Variants in ERCC6 observed in about 807,000 individuals in gnomAD.
The protein encoded by ERCC6 is DNA excision repair protein ERCC-6.
A neutral mutation model predicts 158.7 loss-of-function variants in ERCC6; 116 were observed. The ratio of observed to expected loss-of-function variants is 0.73; its 90% CI spans 0.63 to 0.85. The LOEUF (loss-of-function observed/expected upper bound fraction) is 0.85, where lower values mean the gene tolerates loss of function less well. ERCC6 is among the 40% of genes least tolerant of loss of function. The pLI is 0.00. For synonymous variants in ERCC6, 678 were observed against 659.3 expected, an observed-to-expected ratio of 1.03 and a Z score of -0.43; for missense variants, 1,698 against 1,799.4, an observed-to-expected ratio of 0.94 and a Z score of 1.02.
chr10:49,497,470 C>G (rs975090850), intron 7 of ERCC6, among the ~76,000 whole-genome samples: 4 of 152,224 alleles, frequency 2.6e-5, no homozygotes, highest in Admixed American at 6.5e-5. Context: ...TGATGACTCA[C>G]ATTTTGTTAT....
chr10:49,477,341 G>A (rs1417406791), intron 11 of ERCC6, among the ~76,000 whole-genome samples: 1 of 152,040 alleles, frequency 6.6e-6, no homozygotes, highest in Non-Finnish European at 1.5e-5. Flanking sequence ...TTCCACCTCT[G>A]CACTGTATCT....
At position 49,472,961 on chromosome 10, in the gene ERCC6, GC is replaced by G. The variant is rs1238035020; in HGVS notation, c.2776del (p.Ala926GlnfsTer26). 1 of 1,614,092 alleles carries G rather than the reference GC, an allele frequency of 6.2e-7. No homozygotes were observed. ...TGGGTCATAGATGACAACTCTGTTT[GC>G]CCCCGTCAGGTTGACACCTAAGCCG... ...VGGLGVNLTGANRVVIYDPDW... is the reference protein window; with the variant it reads ...VGGLGVNLTGXNRVVIYDPDW... On this transcript the variant is annotated frameshift_variant, in exon 15 of 21. Coordinates refer to ENST00000355832, the MANE Select transcript of ERCC6 (RefSeq NM_000124.4). LOFTEE classifies it high-confidence loss of function.
At chr10:49,482,984 G>A (rs762375322) in intron 9 of ERCC6, 121 bp from the exon 10 acceptor site, 18 of 1,057,506 alleles carry the variant, frequency 1.7e-5, no homozygotes, top group Non-Finnish European at 2.6e-5. Context: ...CATCATTTTG[G>A]TACTCTCCAA....
chr10:49,523,251 G>A (rs1361392966), intron 5 of ERCC6, among the ~76,000 whole-genome samples: 2 of 152,136 alleles, frequency 1.3e-5, no homozygotes, highest in Admixed American at 6.5e-5. Flanking sequence ...TGAAATGCGC[G>A]GCAGTAGCAC....
chr10:49,467,061 G>GT (rs1850690710), intron 18 of ERCC6, among the ~76,000 whole-genome samples: 1 of 152,170 alleles, frequency 6.6e-6, no homozygotes. Context: ...GATTACAGGC[G>GT]TGAGCCAAGC....
chr10:49,444,662 G>C, the ERCC6 span, among the ~76,000 whole-genome samples: 1 of 152,158 alleles, frequency 6.6e-6, no homozygotes, highest in Non-Finnish European at 1.5e-5. Flanking sequence ...GGATTGAGCT[G>C]AAACATTCTT....
the ERCC6 span, among the ~76,000 whole-genome samples, chr10:49,444,893 G>T: frequency 6.6e-6 from 1 of 151,984 alleles, no homozygotes. Flanking sequence ...GATCTGAGAG[G>T]TTAAAAATCT....
chr10:49,490,554 CA>C (rs1332102493), intron 8 of ERCC6, among the ~76,000 whole-genome samples: 1 of 152,076 alleles, frequency 6.6e-6, no homozygotes, highest in African/African-American at 2.4e-5. Context: ...AGGGTTTCAC[CA>C]CATTGGCCAG....
chr10:49,439,697 T>C, the ERCC6 span, among the ~76,000 whole-genome samples: 1 of 152,222 alleles, frequency 6.6e-6, no homozygotes, highest in African/African-American at 2.4e-5. Flanking sequence ...TCCAAACTTT[T>C]ATGCACTGCT....
intron 7 of ERCC6, among the ~76,000 whole-genome samples, chr10:49,497,325 C>T (rs569577728): frequency 6.6e-6 from 1 of 152,372 alleles, no homozygotes; most frequent in East Asian, 1.9e-4. Context: ...GATTAGGAAA[C>T]AACCAATCAA....
rs4253026 is a variant in ERCC6, at chr10:49,531,070, A to G, written c.423-230T>C. On this transcript the variant is annotated intron_variant, in intron 2 of 20. Transcript: ENST00000355832. ...TTATCTAGCTGATTTAGATCAGCTCATTCCCATTTGTAAGCTGCTTCAGTC... is the reference window on the plus strand; with the variant it reads ...TTATCTAGCTGATTTAGATCAGCTCGTTCCCATTTGTAAGCTGCTTCAGTC... Among the ~76,000 whole-genome samples, 137,569 of 152,248 alleles carry G rather than the reference A, an allele frequency of 0.9. 62,236 individuals carry two copies. Among genetic ancestry groups the G allele is most frequent in the East Asian group, 1 (5,179 of 5,184 alleles).
chr10:49,523,874 C>G lies in ERCC6; in HGVS notation c.1397+159G>C, dbSNP rs148149838. Among the ~76,000 whole-genome samples the G allele has an allele frequency of 2.4e-3, 367 of 151,574 alleles. 2 individuals are homozygous for G. Among genetic ancestry groups the G allele is most frequent in the African/African-American group, 8.4e-3 (346 of 41,264 alleles). On this transcript the variant is annotated intron_variant, in intron 5 of 20. Coordinates refer to ENST00000355832, the MANE Select transcript of ERCC6 (RefSeq NM_000124.4). ...CCAGCATCATTAAGGACTCAGGGGC[C>G]CCACTGCTTCTAGCAGGTTAAGGCT... is the stretch of plus-strand genomic sequence containing the variant.
Position 49,478,405 on chromosome 10 carries a change from T to C in ERCC6, c.2235A>G (p.Arg745=), listed in dbSNP as rs148736072. 1.2e-6 allele frequency: 2 copies of C among 1,613,906 alleles called. No individual in the cohort carries two copies. The highest frequency in any genetic ancestry group is 2.7e-5 in the African/African-American group (2 of 74,862). The change falls in exon 11 of 21, where the codon AGA becomes AGG. Residue 745 remains arginine, a synonymous_variant. Transcript: ENST00000355832. ...RDTINPYLLR[R]MKSDVKMSLS... is the part of the protein sequence containing the mutation. ...GGCTCATCTTGACATCTGACTTCATTCTCCGCAGTAGGTATGGATTTATGG... is the reference window on the plus strand; with the variant it reads ...GGCTCATCTTGACATCTGACTTCATCCTCCGCAGTAGGTATGGATTTATGG...
intron 7 of ERCC6, among the ~76,000 whole-genome samples, chr10:49,499,670 G>T (rs1029804113): frequency 6.6e-6 from 1 of 152,048 alleles, no homozygotes; most frequent in Non-Finnish European, 1.5e-5. Flanking sequence ...ATAATTTACC[G>T]ACCAATATTT....
At chr10:49,511,487 C>T (rs548952991) in intron 5 of ERCC6, among the ~76,000 whole-genome samples, 2 of 151,282 alleles carry the variant, frequency 1.3e-5, no homozygotes, top group African/African-American at 2.4e-5. Flanking sequence ...TACAGTGGCA[C>T]GATCTCAGCT....
At position 49,524,650 on chromosome 10, in the gene ERCC6, G is replaced by A. The variant is rs756760457; in HGVS notation, c.780C>T (p.Pro260=). ...TQIPQKQEKK[P]RKIMLNEASG... is the part of the protein sequence containing the mutation. ...ATGCTTCATTAAGCATGATTTTTCT[G>A]GGCTTTTTCTCCTGTTTCTGAGGGA... Residue 260 remains proline (P), a synonymous_variant, in exon 5 of 21, where the codon CCC becomes CCT. Transcript: ENST00000355832. 1.2e-6 allele frequency: 2 copies of A among 1,614,000 alleles called. No homozygotes were observed. The highest frequency in any genetic ancestry group is 1.7e-6 in the Non-Finnish European group (2 of 1,180,036).
chr10:49,527,867 C>T (rs993516735), intron 4 of ERCC6, among the ~76,000 whole-genome samples: 1 of 152,214 alleles, frequency 6.6e-6, no homozygotes, highest in African/African-American at 2.4e-5. Flanking sequence ...CACACATACA[C>T]ACACACAATG....
intron 14 of ERCC6, 106 bp from the exon 15 acceptor site, chr10:49,473,134 A>C: frequency 6.7e-7 from 1 of 1,483,488 alleles, no homozygotes; most frequent in Non-Finnish European, 9.4e-7. Context: ...GCTGTTCCCA[A>C]TATAAGGAAT....
Position 49,505,985 on chromosome 10 carries a change from G to A in ERCC6, c.1425C>T (p.Asp475=), listed in dbSNP as rs749503929. The A allele has an allele frequency of 5.6e-6, 9 of 1,613,156 alleles. No homozygotes were observed. The East Asian group carries it at 2.0e-4, about 36-fold the overall frequency. Residue 475 remains aspartate (D), a synonymous_variant, in exon 6 of 21, where the codon GAC becomes GAT. Transcript: ENST00000355832. ...LRRWNKLRLQ[D]KEKRLKLEDD... ...CCTCCAGCTTCAGACGTTTCTCTTT[G>A]TCCTGCAGTCTCAGTTTATTCCATC...
Sources: allele counts gnomAD v4.1 joint callset (sites outside exome capture counted in the v4.1 genomes callset), GRCh38; gene constraint gnomAD v4.1.1; transcripts MANE v1.5; gene names NCBI Gene and HGNC (gene_info 2026-07-23, HGNC 2026-07-21).